FBXL17: variants seen among roughly 807,000 people sequenced by gnomAD.
FBXL17 encodes F-box and leucine rich repeat protein 17.
FBXL17 carries 22 observed loss-of-function variants against 66.2 expected under a neutral mutation model. The observed-to-expected ratio is 0.33, with a 90% CI of 0.24 to 0.47. The LOEUF is 0.47. Among genes scored for constraint, FBXL17 ranks in the 20% least tolerant of loss-of-function variants. The pLI, the probability that FBXL17 is intolerant of heterozygous loss-of-function variation, is 1.00. For missense variants in FBXL17, 878 were observed against 948.2 expected, an observed-to-expected ratio of 0.93 and a Z score of 0.97; for synonymous variants, 474 against 400.5, an observed-to-expected ratio of 1.18 and a Z score of -2.19.
chr5:108,355,432 G>A (rs367845774), intron 3 of FBXL17, among the ~76,000 whole-genome samples: 19 of 151,772 alleles, frequency 1.3e-4, no homozygotes, highest in Non-Finnish European at 2.2e-4. Context: ...ACAGCCGTGC[G>A]CCACCACACC....
intron 4 of FBXL17, among the ~76,000 whole-genome samples, chr5:108,307,892 A>C (rs2150191877): frequency 6.6e-6 from 1 of 152,282 alleles, no homozygotes; most frequent in South Asian, 2.1e-4. Context: ...AAGCAATTCC[A>C]GTTTGCTTTA....
rs1448633732 is a variant in FBXL17, at chr5:108,381,559, G to A, written c.133C>T (p.Pro45Ser). ...RRTPAKVPPQPAAPRSRDCFF... is the reference protein window; with the variant it reads ...RRTPAKVPPQSAAPRSRDCFF... ...CAGTCCCGGCTCCGGGGCGCCGCCG[G>A]CTGAGGGGGCACCTTGGCTGGGGTC... The change falls in exon 1 of 9, where the codon CCG becomes TCG. Residue 45 changes from proline to serine, a missense_variant. Coordinates refer to ENST00000542267, the MANE Select transcript of FBXL17 (RefSeq NM_001163315.3). The A allele has an allele frequency of 7.0e-7, 1 of 1,434,730 alleles. No homozygotes were observed. The highest frequency in any genetic ancestry group is 1.4e-5 in the South Asian group (1 of 70,156). 88.9% of individuals were successfully genotyped at this position (1,434,730 alleles called of 1,614,324 possible).
At chr5:108,280,314 T>C (rs1325922876) in intron 4 of FBXL17, among the ~76,000 whole-genome samples, 2 of 152,056 alleles carry the variant, frequency 1.3e-5, no homozygotes, top group Non-Finnish European at 2.9e-5. Context: ...GAAAATGAGA[T>C]GATATATTGA....
intron 6 of FBXL17, among the ~76,000 whole-genome samples, chr5:108,050,164 T>C (rs1006897063): frequency 2.0e-5 from 3 of 152,202 alleles, no homozygotes; most frequent in Non-Finnish European, 4.4e-5. Context: ...CCTCTGTCAA[T>C]ATTAGATAGA....
chr5:107,972,836 GA>G (rs1270075500), intron 7 of FBXL17, among the ~76,000 whole-genome samples: 2 of 151,980 alleles, frequency 1.3e-5, no homozygotes. Flanking sequence ...GTGGAAACTC[GA>G]AGTTGTCAAA....
intron 8 of FBXL17, among the ~76,000 whole-genome samples, chr5:107,862,254 A>G (rs1018832165): frequency 7.2e-5 from 11 of 151,878 alleles, no homozygotes; most frequent in African/African-American, 2.7e-4. Flanking sequence ...AAAATTGTGG[A>G]ATGCCGGAGA....
chr5:108,009,523 A>T (rs534567904), intron 7 of FBXL17, among the ~76,000 whole-genome samples: 1 of 151,484 alleles, frequency 6.6e-6, no homozygotes, highest in African/African-American at 2.4e-5. Flanking sequence ...CGGAGGCTGG[A>T]TCAGCCATGT....
chr5:108,050,784 A>C (rs887206973), intron 6 of FBXL17, among the ~76,000 whole-genome samples: 2 of 152,148 alleles, frequency 1.3e-5, no homozygotes, highest in Admixed American at 1.3e-4. Context: ...TTTTGAAAAA[A>C]TTAACAAAGT....
chr5:108,282,405 A>C (rs1389319124), intron 4 of FBXL17, among the ~76,000 whole-genome samples: 1 of 151,968 alleles, frequency 6.6e-6, no homozygotes, highest in Non-Finnish European at 1.5e-5. Context: ...AACAGGATCA[A>C]GGACAAAAAC....
chr5:108,334,648 T>C (rs1308034011), intron 4 of FBXL17, among the ~76,000 whole-genome samples: 1 of 152,244 alleles, frequency 6.6e-6, no homozygotes, highest in Admixed American at 6.5e-5. Context: ...TTTTCGCTTC[T>C]TCATCTTCTT....
chr5:108,296,378 T>C (rs535909633), intron 4 of FBXL17, among the ~76,000 whole-genome samples: 10 of 152,048 alleles, frequency 6.6e-5, no homozygotes, highest in African/African-American at 2.4e-4. Context: ...TTATGAAATA[T>C]AAAATGCCAA....
intron 4 of FBXL17, among the ~76,000 whole-genome samples, chr5:108,259,225 G>C (rs1268229439): frequency 3.3e-5 from 5 of 152,062 alleles, no homozygotes; most frequent in African/African-American, 4.8e-5. Flanking sequence ...AAACTATGTT[G>C]GTTAAAAATA....
intron 4 of FBXL17, among the ~76,000 whole-genome samples, chr5:108,247,513 G>A (rs963792373): frequency 6.6e-6 from 1 of 152,016 alleles, no homozygotes; most frequent in East Asian, 1.9e-4. Context: ...TTAGGCTAAG[G>A]CTTTCTCATA....
At chr5:107,932,566 C>T (rs1750769980) in intron 7 of FBXL17, among the ~76,000 whole-genome samples, 1 of 152,098 alleles carries the variant, frequency 6.6e-6, no homozygotes, top group Non-Finnish European at 1.5e-5. Flanking sequence ...TATAATAAAA[C>T]AAATGTCATT....
intron 7 of FBXL17, among the ~76,000 whole-genome samples, chr5:108,002,182 ATTTTT>A (rs765399250): frequency 2.7e-5 from 3 of 109,454 alleles, no homozygotes; most frequent in African/African-American, 1.3e-4. Context: ...CACCCAGCTA[ATTTTT>A]TTTTTTTTTT....
intron 7 of FBXL17, among the ~76,000 whole-genome samples, chr5:108,009,008 AG>A (rs1208484476): frequency 6.6e-6 from 1 of 151,478 alleles, no homozygotes; most frequent in Non-Finnish European, 1.5e-5. Flanking sequence ...AAGAAAAAAA[AG>A]GGAAATTTAA....
At chr5:108,095,204 C>G (rs1275097186) in intron 6 of FBXL17, among the ~76,000 whole-genome samples, 1 of 151,640 alleles carries the variant, frequency 6.6e-6, no homozygotes, top group African/African-American at 2.4e-5. Context: ...CAGAATTCTA[C>G]TTTTAAAGGT....
chr5:108,055,977 A>C (rs2112834143), intron 6 of FBXL17, among the ~76,000 whole-genome samples: 1 of 152,342 alleles, frequency 6.6e-6, no homozygotes, highest in African/African-American at 2.4e-5. Flanking sequence ...CCTACATGGA[A>C]TCACATACCT....
rs149427963 is a variant in FBXL17, at chr5:108,099,650, T to G, written c.1746-78649A>C. 4.8e-3 allele frequency among the ~76,000 whole-genome samples: 731 copies of G among 152,294 alleles called. 6 individuals carry two copies. The highest frequency in any genetic ancestry group is 0.017 in the African/African-American group (687 of 41,556). On this transcript the variant is annotated intron_variant, in intron 6 of 8. Transcript: ENST00000542267. ...ACCATCCTAGATATGAATGATACTTTCCTTCTGGTATAGGGAGGGAGGACA... is the reference window on the plus strand; with the variant it reads ...ACCATCCTAGATATGAATGATACTTGCCTTCTGGTATAGGGAGGGAGGACA...
Sources: gnomAD v4.1 joint callset for allele counts (sites outside exome capture counted in the v4.1 genomes callset) on GRCh38, gnomAD v4.1.1 for gene constraint, MANE v1.5 for transcripts, NCBI Gene and HGNC (gene_info 2026-07-23, HGNC 2026-07-21) for gene names.